LYPD6: variants seen among roughly 807,000 people sequenced by gnomAD.
LYPD6 encodes LY6/PLAUR domain containing 6.
A neutral mutation model predicts 22.7 loss-of-function variants in LYPD6; 15 were observed. The ratio of observed to expected loss-of-function variants is 0.66; its 90% CI spans 0.44 to 1.02. The LOEUF is 1.02. Ranked by LOEUF, LYPD6 falls within the 50% of genes least tolerant of loss-of-function variation. The pLI is 0.00. For missense variants in LYPD6, 189 were observed against 208.4 expected, an observed-to-expected ratio of 0.91 and a Z score of 0.57; for synonymous variants, 72 against 77.5, an observed-to-expected ratio of 0.93 and a Z score of 0.37.
At chr2:149,424,937 C>T (rs1013041165) in intron 1 of LYPD6, among the ~76,000 whole-genome samples, 1 of 152,110 alleles carries the variant, frequency 6.6e-6, no homozygotes, top group East Asian at 1.9e-4. Flanking sequence ...GCCCTAGTTG[C>T]CAGTCTGGTT....
At chr2:149,393,950 G>A (rs1390807080) in intron 1 of LYPD6, among the ~76,000 whole-genome samples, 1 of 152,164 alleles carries the variant, frequency 6.6e-6, no homozygotes, top group African/African-American at 2.4e-5. Context: ...TGCCAGATGA[G>A]ACTGGAAGGG....
chr2:149,413,600 T>C (rs147976407), intron 1 of LYPD6, among the ~76,000 whole-genome samples: 44 of 152,334 alleles, frequency 2.9e-4, no homozygotes, highest in African/African-American at 1.0e-3. Flanking sequence ...AGTTAATCTA[T>C]TCCCTGGCAT....
chr2:149,449,828 A>G (rs1367476770), intron 3 of LYPD6, among the ~76,000 whole-genome samples: 1 of 152,208 alleles, frequency 6.6e-6, no homozygotes, highest in Non-Finnish European at 1.5e-5. Flanking sequence ...GGTAGAGATA[A>G]TGAGCACAGG....
At chr2:149,362,246 A>G (rs1238719903) in intron 1 of LYPD6, among the ~76,000 whole-genome samples, 1 of 152,166 alleles carries the variant, frequency 6.6e-6, no homozygotes, top group East Asian at 1.9e-4. Flanking sequence ...TTCTCTACCC[A>G]TTGTAGGTTT....
chr2:149,397,986 G>A (rs923761045), intron 1 of LYPD6, among the ~76,000 whole-genome samples: 4 of 152,008 alleles, frequency 2.6e-5, no homozygotes, highest in African/African-American at 9.7e-5. Flanking sequence ...GCAAGCCCAG[G>A]AAACTCCATT....
intron 1 of LYPD6, among the ~76,000 whole-genome samples, chr2:149,428,761 C>T (rs1340533318): frequency 1.3e-5 from 2 of 152,160 alleles, no homozygotes; most frequent in Non-Finnish European, 2.9e-5. Context: ...GAATGCATTG[C>T]GAATGCCCCC....
chr2:149,383,433 G>A (rs940331416), intron 1 of LYPD6, among the ~76,000 whole-genome samples: 2 of 152,082 alleles, frequency 1.3e-5, no homozygotes, highest in Admixed American at 1.3e-4. Context: ...TTTTATCAGA[G>A]TATCACAAAA....
intron 1 of LYPD6, among the ~76,000 whole-genome samples, chr2:149,382,290 C>T (rs2105088947): frequency 1.3e-5 from 2 of 152,296 alleles, no homozygotes; most frequent in Middle Eastern, 6.8e-3. Context: ...TCTTACCTTG[C>T]AGTCACATCT....
At position 149,393,423 on chromosome 2, in the gene LYPD6, CAG is replaced by C. The variant is rs142706525; in HGVS notation, c.-71-44214_-71-44213del. On this transcript the variant is annotated intron_variant, in intron 1 of 4. Transcript: ENST00000334166. ...AAAGCTCCTCTCTGTGTGATGATAACAGGGTATTTTCTGCTCACAATTACAGA... is the reference window on the plus strand; with the variant it reads ...AAAGCTCCTCTCTGTGTGATGATAACGGTATTTTCTGCTCACAATTACAGA... Among the ~76,000 whole-genome samples, 759 of 152,292 alleles carry C rather than the reference CAG, an allele frequency of 5.0e-3. 6 individuals are homozygous for C. The highest frequency in any genetic ancestry group is 0.017 in the African/African-American group (727 of 41,554).
At chr2:149,464,034 G>T in intron 3 of LYPD6, 1 of 372,342 alleles carries the variant, frequency 2.7e-6, no homozygotes. Context: ...CTAGGTAAAA[G>T]GTGTAGAGGA....
intron 1 of LYPD6, among the ~76,000 whole-genome samples, chr2:149,410,633 A>G (rs933509362): frequency 2.6e-4 from 39 of 152,192 alleles, no homozygotes; most frequent in Admixed American, 4.6e-4. Context: ...AAGAGTGCAG[A>G]TTGTCTAAAG....
At chr2:149,378,511 T>A (rs1207235649) in intron 1 of LYPD6, among the ~76,000 whole-genome samples, 1 of 152,258 alleles carries the variant, frequency 6.6e-6, no homozygotes, top group Non-Finnish European at 1.5e-5. Context: ...TAACTTATTC[T>A]AATACTCATT....
chr2:149,431,301 A>G (rs1683307128), intron 1 of LYPD6, among the ~76,000 whole-genome samples: 1 of 152,254 alleles, frequency 6.6e-6, no homozygotes, highest in South Asian at 2.1e-4. Context: ...CTAATACAGT[A>G]CAAAGGCACT....
intron 1 of LYPD6, among the ~76,000 whole-genome samples, chr2:149,340,389 C>T (rs1015794783): frequency 7.9e-5 from 12 of 152,128 alleles, no homozygotes; most frequent in Non-Finnish European, 1.5e-4. Context: ...TTATTACCCT[C>T]TACTTTTACT....
At chr2:149,419,737 C>T (rs1217310305) in intron 1 of LYPD6, among the ~76,000 whole-genome samples, 1 of 152,164 alleles carries the variant, frequency 6.6e-6, no homozygotes, top group Non-Finnish European at 1.5e-5. Flanking sequence ...ATTAGAACAA[C>T]CAGTTATCTC....
chr2:149,396,361 C>A (rs546416163), intron 1 of LYPD6, among the ~76,000 whole-genome samples: 3 of 152,032 alleles, frequency 2.0e-5, no homozygotes, highest in African/African-American at 7.2e-5. Flanking sequence ...CTTCAGAATG[C>A]TCTTCTCTCT....
intron 1 of LYPD6, among the ~76,000 whole-genome samples, chr2:149,334,631 T>A (rs1404977103): frequency 6.6e-6 from 1 of 152,050 alleles, no homozygotes; most frequent in East Asian, 1.9e-4. Flanking sequence ...TTGACTGGTG[T>A]CCTTGGGGGC....
chr2:149,457,676 T>A (rs1229827061), intron 3 of LYPD6, among the ~76,000 whole-genome samples: 2 of 152,158 alleles, frequency 1.3e-5, no homozygotes, highest in African/African-American at 4.8e-5. Context: ...AAAACAAAAT[T>A]ATCTAGCCCA....
chr2:149,340,971 GA>G (rs1388072344), intron 1 of LYPD6, among the ~76,000 whole-genome samples: 1 of 150,412 alleles, frequency 6.6e-6, no homozygotes, highest in East Asian at 2.0e-4. Flanking sequence ...CAATCTTGGA[GA>G]AAAAAATTCA....
Sources: gnomAD v4.1 joint callset for allele counts (sites outside exome capture counted in the v4.1 genomes callset) on GRCh38, gnomAD v4.1.1 for gene constraint, MANE v1.5 for transcripts, NCBI Gene and HGNC (gene_info 2026-07-23, HGNC 2026-07-21) for gene names.